EVI5: variants seen among roughly 807,000 people sequenced by gnomAD.
The protein encoded by EVI5 is ecotropic viral integration site 5 protein homolog.
A neutral mutation model predicts 112.0 loss-of-function variants in EVI5; 73 were observed. The ratio of observed to expected loss-of-function variants is 0.65; its 90% CI spans 0.54 to 0.79. The LOEUF (loss-of-function observed/expected upper bound fraction) is 0.79, where lower values mean the gene tolerates loss of function less well. EVI5 is among the 30% of genes least tolerant of loss of function. The pLI is 0.00. For synonymous variants in EVI5, 305 were observed against 319.9 expected, an observed-to-expected ratio of 0.95 and a Z score of 0.50; for missense variants, 900 against 968.8, an observed-to-expected ratio of 0.93 and a Z score of 0.94.
At chr1:92,576,134 A>T (rs1389160684) in intron 18 of EVI5, among the ~76,000 whole-genome samples, 1 of 152,218 alleles carries the variant, frequency 6.6e-6, no homozygotes, top group Non-Finnish European at 1.5e-5. Flanking sequence ...GACTCAGAAA[A>T]CATAGGAACA....
At chr1:92,784,611 C>T in intron 1 of EVI5, 1 of 302,408 alleles carries the variant, frequency 3.3e-6, no homozygotes, top group Non-Finnish European at 4.9e-6. Flanking sequence ...TCTTCCCCAG[C>T]GCCCACGAGA....
intron 9 of EVI5, among the ~76,000 whole-genome samples, chr1:92,690,344 A>T (rs1474599859): frequency 9.2e-6 from 1 of 109,018 alleles, no homozygotes; most frequent in Non-Finnish European, 1.9e-5. Flanking sequence ...AGTATCCCCA[A>T]TGATACTTTT....
intron 18 of EVI5, among the ~76,000 whole-genome samples, chr1:92,597,659 T>C (rs1360930888): frequency 1.3e-5 from 2 of 152,224 alleles, no homozygotes; most frequent in Non-Finnish European, 2.9e-5. Context: ...CATCAGAAGA[T>C]GAATGAATTA....
chr1:92,660,478 T>C (rs907819881), intron 13 of EVI5, among the ~76,000 whole-genome samples: 5 of 151,882 alleles, frequency 3.3e-5, no homozygotes, highest in African/African-American at 1.2e-4. Context: ...GAGTTACAGT[T>C]AGATAGGAAG....
intron 13 of EVI5, among the ~76,000 whole-genome samples, chr1:92,660,795 G>T (rs927730079): frequency 5.3e-5 from 8 of 151,964 alleles, no homozygotes; most frequent in African/African-American, 2.4e-5. Flanking sequence ...AAGCACACAG[G>T]TTGCTGGGGT....
At chr1:92,579,267 G>C (rs1671565950) in intron 18 of EVI5, among the ~76,000 whole-genome samples, 1 of 152,104 alleles carries the variant, frequency 6.6e-6, no homozygotes, top group Admixed American at 6.5e-5. Flanking sequence ...TAGTCTGTCT[G>C]AATGGCCTAT....
In EVI5 at chr1:92,648,876, G is replaced by A. The variant is rs150236693; in HGVS notation, c.1393-12540C>T. Among the ~76,000 whole-genome samples, 115 of 152,164 alleles carry A rather than the reference G, an allele frequency of 7.6e-4. 1 individual carries two copies. The highest frequency in any genetic ancestry group is 2.6e-3 in the African/African-American group (109 of 41,510). ...TGAGTACAAGCATTCTCTTATTTGC[G>A]GTACATACCTCTGAGTTGAATAGCA... On this transcript the variant is annotated intron_variant, in intron 13 of 19. Transcript: ENST00000684568.
chr1:92,679,967 G>C (rs1667337814), intron 9 of EVI5, among the ~76,000 whole-genome samples: 1 of 152,076 alleles, frequency 6.6e-6, no homozygotes, highest in Non-Finnish European at 1.5e-5. Context: ...GTACACACCA[G>C]GTTTTTCCAG....
At chr1:92,786,059 C>A (rs1258042197), upstream of EVI5, among the ~76,000 whole-genome samples, 1 of 150,884 alleles carries the variant, frequency 6.6e-6, no homozygotes, top group Non-Finnish European at 1.5e-5. Flanking sequence ...CCACTGCACT[C>A]CAGCCTGGGC....
At chr1:92,752,777 C>T (rs1376943247) in intron 1 of EVI5, among the ~76,000 whole-genome samples, 6 of 152,222 alleles carry the variant, frequency 3.9e-5, no homozygotes, top group African/African-American at 1.4e-4. Flanking sequence ...TTCTCAAAAG[C>T]CGGTGTCATA....
chr1:92,537,845 C>T (rs1215694690), intron 19 of EVI5, among the ~76,000 whole-genome samples: 1 of 149,770 alleles, frequency 6.7e-6, no homozygotes, highest in East Asian at 1.9e-4. Context: ...GTACATAATG[C>T]TGAAAATGTT....
chr1:92,649,952 T>C (rs1380225390), intron 13 of EVI5, among the ~76,000 whole-genome samples: 3 of 152,236 alleles, frequency 2.0e-5, no homozygotes, highest in Non-Finnish European at 4.4e-5. Context: ...TCGTTCCTCA[T>C]TGAATGTTCT....
At chr1:92,643,171 T>C (rs1376392891) in intron 13 of EVI5, among the ~76,000 whole-genome samples, 1 of 152,146 alleles carries the variant, frequency 6.6e-6, no homozygotes, top group Admixed American at 6.5e-5. Context: ...GAAAAACTCA[T>C]ATGGAGCATG....
chr1:92,750,304 G>A (rs1207682992), intron 1 of EVI5, among the ~76,000 whole-genome samples: 2 of 152,016 alleles, frequency 1.3e-5, no homozygotes, highest in African/African-American at 2.4e-5. Flanking sequence ...TAACTCAGAA[G>A]GCAGCACAGA....
At chr1:92,633,994 T>TTTTCTTAAGAGAAGCTCCACCCGCTCA (rs1173202493) in intron 14 of EVI5, among the ~76,000 whole-genome samples, 1 of 152,244 alleles carries the variant, frequency 6.6e-6, no homozygotes, top group African/African-American at 2.4e-5. Context: ...TCTTTAAGAA[T>TTTTCTTAAGAGAAGCTCCACCCGCTCA]GTTGAATATT....
rs1315529478 is a variant in EVI5, at chr1:92,784,644, G to GCGGCGA, written c.-82+186_-82+191dup. Reference sequence around the variant, plus strand: ...AGAAGGAGGGCTGCGGGCGGCGGCGGCGGCGACAGGCGAGGAAGCGAGTGC... The same window carrying GCGGCGA: ...AGAAGGAGGGCTGCGGGCGGCGGCGGCGGCGACGGCGACAGGCGAGGAAGCGAGTGC... On this transcript the variant is annotated intron_variant, in intron 1 of 19. Coordinates refer to ENST00000684568, the MANE Select transcript of EVI5 (RefSeq NM_001350197.2). 4.6e-5 allele frequency among the ~76,000 whole-genome samples: 7 copies of GCGGCGA among 152,142 alleles called. No homozygotes were observed. The South Asian group carries it at 1.0e-3, about 23-fold the overall frequency.
intron 1 of EVI5, among the ~76,000 whole-genome samples, chr1:92,750,375 T>C (rs573563160): frequency 6.6e-6 from 1 of 152,292 alleles, no homozygotes; most frequent in South Asian, 2.1e-4. Context: ...TGGTATTTGC[T>C]TTACCAAACT....
intron 19 of EVI5, among the ~76,000 whole-genome samples, chr1:92,520,273 A>G (rs1023641449): frequency 3.8e-4 from 58 of 152,290 alleles, no homozygotes; most frequent in African/African-American, 1.4e-3. Context: ...GAAACTTGTG[A>G]AAAATAAAAT....
In EVI5 at chr1:92,512,337, C is replaced by T. The variant is rs952995679; in HGVS notation, c.*1319G>A. The T allele has an allele frequency of 5.2e-5, 8 of 152,508 alleles. No individual in the cohort carries two copies. Among genetic ancestry groups the T allele is most frequent in the African/African-American group, 1.4e-4 (6 of 41,434 alleles). The allele number at this position is 152,508 out of a possible 1,614,324, so 9.4% of individuals were successfully genotyped here. ...GAATATTAGCACTAACTAATATGTG[C>T]TATAACCTCTTCAGTCATGAAAAAT... On this transcript the variant is annotated 3_prime_UTR_variant, in exon 20 of 20. Coordinates refer to ENST00000684568, the MANE Select transcript of EVI5 (RefSeq NM_001350197.2).
Sources: gnomAD v4.1 joint callset for allele counts (sites outside exome capture counted in the v4.1 genomes callset) on GRCh38, gnomAD v4.1.1 for gene constraint, MANE v1.5 for transcripts, NCBI Gene and HGNC (gene_info 2026-07-23, HGNC 2026-07-21) for gene names.